Variants in TTC3 observed in about 807,000 individuals in gnomAD.
TTC3 encodes tetratricopeptide repeat domain 3.
In TTC3, 180 loss-of-function variants were observed where a neutral mutation model predicts 249.6. That is an observed-to-expected ratio of 0.72 (90% CI 0.64 to 0.82). The LOEUF (loss-of-function observed/expected upper bound fraction) is 0.82. Ranked by LOEUF, TTC3 falls within the 40% of genes least tolerant of loss-of-function variation. The pLI is 0.00. For missense variants in TTC3, 2,061 were observed against 2,398.4 expected (o/e 0.86, Z 2.94); for synonymous variants, 717 against 805.0 (o/e 0.89, Z 1.85).
chr21:37,073,550 G>GC, intron 1 of TTC3, 77 bp downstream of exon 1: 1 of 964,016 alleles, frequency 1.0e-6, no homozygotes. Flanking sequence ...TGGGTCCCGC[G>GC]CGATGAGGGG....
chr21:37,172,912 G>T (rs563187860), intron 35 of TTC3, among the ~76,000 whole-genome samples, 168 bp downstream of exon 35: 20 of 152,344 alleles, frequency 1.3e-4, no homozygotes, highest in African/African-American at 4.8e-4. Flanking sequence ...TAAAGTGGCT[G>T]TTGCCATGCT....
At chr21:37,116,436 A>G (rs2076146714) in intron 11 of TTC3, among the ~76,000 whole-genome samples, 2 of 152,208 alleles carry the variant, frequency 1.3e-5, no homozygotes. Context: ...AAATATAACA[A>G]AATGTTAACA....
At chr21:37,161,522 C>G (rs1257738904) in intron 30 of TTC3, among the ~76,000 whole-genome samples, 10 of 151,060 alleles carry the variant, frequency 6.6e-5, no homozygotes, top group Admixed American at 2.0e-4. Flanking sequence ...AGCGATCTGC[C>G]TACTTTGGCC....
At chr21:37,164,161 G>A (rs770766827) in exon 32 of TTC3, 32 of 1,612,646 alleles carry the variant, frequency 2.0e-5, no homozygotes, top group African/African-American at 1.7e-4. Flanking sequence ...TATGTTGTCC[G>A]CAATAAGAAG....
intron 34 of TTC3, among the ~76,000 whole-genome samples, chr21:37,170,618 C>T (rs937304560): frequency 2.0e-5 from 3 of 152,150 alleles, no homozygotes; most frequent in African/African-American, 7.2e-5. Context: ...AATGAAATAT[C>T]ATGCTGTCAT....
chr21:37,143,234 A>G (rs993819542), intron 20 of TTC3, among the ~76,000 whole-genome samples: 14 of 152,182 alleles, frequency 9.2e-5, no homozygotes, highest in African/African-American at 2.9e-4. Flanking sequence ...ACAAAAGCCA[A>G]AATTGACAAA....
At chr21:37,101,603 C>T (rs1332102243) in intron 10 of TTC3, among the ~76,000 whole-genome samples, 3 of 152,140 alleles carry the variant, frequency 2.0e-5, no homozygotes, top group Admixed American at 6.5e-5. Context: ...TTCATCTCTT[C>T]AGATCCTTGT....
chr21:37,193,334 G>C (rs1389387414), intron 41 of TTC3, among the ~76,000 whole-genome samples: 1 of 149,374 alleles, frequency 6.7e-6, no homozygotes, highest in East Asian at 2.0e-4. Context: ...ACCTTGCACA[G>C]TAAACATTCA....
chr21:37,147,724 T>C, intron 22 of TTC3, 121 bp downstream of exon 22: 1 of 1,198,382 alleles, frequency 8.3e-7, no homozygotes, highest in Non-Finnish European at 1.1e-6. Context: ...TCCACCCCTT[T>C]CCCAGGATTT....
At chr21:37,135,547 T>C in intron 18 of TTC3, 33 bp downstream of exon 18, 2 of 1,602,840 alleles carry the variant, frequency 1.2e-6, no homozygotes, top group Non-Finnish European at 1.7e-6. Flanking sequence ...TGTTTATCAA[T>C]GCTAATGCAC....
intron 31 of TTC3, among the ~76,000 whole-genome samples, chr21:37,163,460 C>T (rs559362702): frequency 6.5e-4 from 99 of 152,342 alleles, no homozygotes; most frequent in African/African-American, 2.3e-3. Context: ...AAGCAATTCT[C>T]CTGCCTCAGC....
intron 41 of TTC3, among the ~76,000 whole-genome samples, chr21:37,192,524 T>TGTGTGTGTGTGTGTGTG: frequency 6.7e-6 from 1 of 148,714 alleles, no homozygotes; most frequent in Non-Finnish European, 1.5e-5. Context: ...TGTGTGTGTG[T>TGTGTGTGTGTGTGTGTG]TGTATATGTA....
At chr21:37,188,297 T>C (rs1228478532) in intron 38 of TTC3, 198 bp from the exon 39 acceptor site, 7 of 494,772 alleles carry the variant, frequency 1.4e-5, no homozygotes, top group Non-Finnish European at 2.2e-5. Flanking sequence ...GGTATGCATT[T>C]GTGATGTCAT....
In TTC3 at chr21:37,098,151, A is replaced by G; in HGVS notation, c.845+1508A>G. On this transcript the variant is annotated intron_variant, in intron 10 of 45. Coordinates refer to ENST00000355666, the Ensembl canonical transcript of TTC3. Reference sequence around the variant, plus strand: ...GGTTCTGACAAGAAATGAGCTGCACATGTCTTTAGGTTATTGCTACTGGCT... The same window carrying G: ...GGTTCTGACAAGAAATGAGCTGCACGTGTCTTTAGGTTATTGCTACTGGCT... 1.3e-5 allele frequency: 6 copies of G among 444,902 alleles called. No individual in the cohort carries two copies. The South Asian group carries it at 1.8e-4, about 13-fold the overall frequency. 27.6% of individuals were successfully genotyped at this position (444,902 alleles called of 1,614,324 possible).
Position 37,193,541 on chromosome 21 carries a change from C to T in TTC3, c.5217+1328C>T, listed in dbSNP as rs117035540. 4.5e-4 allele frequency among the ~76,000 whole-genome samples: 69 copies of T among 152,190 alleles called. No individual in the cohort carries two copies. In the East Asian group the frequency reaches 0.012, roughly 26 times the overall value. ...TTGTAACAGATATGTATAGAGAAAA[C>T]GTTGGCTCTCAATAGGATATTTTAC... On this transcript the variant is annotated intron_variant, in intron 41 of 45. Transcript: ENST00000355666.
exon 33 of TTC3, chr21:37,165,590 A>C: frequency 6.2e-7 from 1 of 1,612,066 alleles, no homozygotes; most frequent in African/African-American, 1.3e-5. Context: ...TCCCTTGGAC[A>C]TGAGTAACAA....
intron 15 of TTC3, among the ~76,000 whole-genome samples, chr21:37,127,247 C>A (rs2077107840): frequency 6.6e-6 from 1 of 152,172 alleles, no homozygotes. Context: ...CTATTACCAT[C>A]GCCTTGAGGA....
exon 28 of TTC3, chr21:37,156,825 T>C: frequency 6.2e-7 from 1 of 1,614,144 alleles, no homozygotes; most frequent in Non-Finnish European, 8.5e-7. Context: ...GGAAGCCCGT[T>C]GTTTAATATG....
chr21:37,171,317 A>G (rs1408109759), intron 34 of TTC3, among the ~76,000 whole-genome samples: 2 of 152,214 alleles, frequency 1.3e-5, no homozygotes, highest in African/African-American at 2.4e-5. Flanking sequence ...CCTTGATGCT[A>G]GTATAGGTGA....
Sources: allele counts gnomAD v4.1 joint callset (sites outside exome capture counted in the v4.1 genomes callset), GRCh38; gene constraint gnomAD v4.1.1; transcripts MANE v1.5; gene names NCBI Gene and HGNC (gene_info 2026-07-23, HGNC 2026-07-21).